IFT43: variants seen among roughly 807,000 people sequenced by gnomAD.
The protein encoded by IFT43 is intraflagellar transport 43.
In IFT43, 33 loss-of-function variants were observed where a neutral mutation model predicts 32.3. That is an observed-to-expected ratio of 1.02 (90% CI 0.77 to 1.37). The LOEUF is 1.37. Ranked by LOEUF, IFT43 falls within the 40% of genes most tolerant of loss-of-function variation. IFT43 has a pLI of 0.00. For missense variants in IFT43, 274 were observed against 265.9 expected (o/e 1.03, Z -0.21); for synonymous variants, 93 against 98.2 (o/e 0.95, Z 0.31).
intron 1 of IFT43, among the ~76,000 whole-genome samples, chr14:75,988,273 G>T (rs537944387): frequency 6.6e-6 from 1 of 152,154 alleles, no homozygotes; most frequent in Non-Finnish European, 1.5e-5. Context: ...CAGCTACTCA[G>T]GAGGGCAAGG....
At chr14:75,991,239 G>A (rs1377015937) in intron 2 of IFT43, among the ~76,000 whole-genome samples, 5 of 152,050 alleles carry the variant, frequency 3.3e-5, no homozygotes, top group Non-Finnish European at 7.4e-5. Context: ...GCTGAGGCAG[G>A]AAAATTGCTT....
intron 1 of IFT43, 112 bp from the exon 2 acceptor site, chr14:75,988,773 C>T (rs1455513472): frequency 1.3e-6 from 2 of 1,527,982 alleles, no homozygotes; most frequent in African/African-American, 2.7e-5. Flanking sequence ...CTGCCTCGTC[C>T]TCCCAAAGTG....
intron 3 of IFT43, among the ~76,000 whole-genome samples, chr14:76,028,182 A>G (rs1009290637): frequency 1.3e-5 from 2 of 152,184 alleles, no homozygotes; most frequent in Admixed American, 6.5e-5. Flanking sequence ...GGTGACCACT[A>G]GATCTCTCCA....
intron 3 of IFT43, among the ~76,000 whole-genome samples, chr14:76,025,822 G>A (rs983205109): frequency 1.3e-5 from 2 of 152,110 alleles, no homozygotes; most frequent in African/African-American, 4.8e-5. Context: ...AGACTTAAAT[G>A]TAAAACCCAA....
At chr14:76,066,687 A>G (rs1308511982) in intron 5 of IFT43, among the ~76,000 whole-genome samples, 5 of 152,198 alleles carry the variant, frequency 3.3e-5, no homozygotes, top group Non-Finnish European at 5.9e-5. Context: ...CTATAAGGAA[A>G]CCTAGTGGTT....
At chr14:76,031,013 CAT>C (rs937576166) in intron 3 of IFT43, among the ~76,000 whole-genome samples, 10 of 147,990 alleles carry the variant, frequency 6.8e-5, no homozygotes, top group Admixed American at 2.7e-4. Context: ...GAAAAGTAAA[CAT>C]ATGTGTATAT....
intron 2 of IFT43, among the ~76,000 whole-genome samples, chr14:76,005,181 T>C (rs917758624): frequency 6.6e-6 from 1 of 152,272 alleles, no homozygotes; most frequent in African/African-American, 2.4e-5. Flanking sequence ...AAAATTACAG[T>C]AACTCTGGAA....
chr14:76,043,173 C>A (rs1413341707), intron 3 of IFT43, among the ~76,000 whole-genome samples: 1 of 152,220 alleles, frequency 6.6e-6, no homozygotes, highest in Non-Finnish European at 1.5e-5. Context: ...AACATACTTT[C>A]TAGATGGCTT....
intron 5 of IFT43, chr14:76,076,553 C>T (rs1167032792): frequency 1.9e-6 from 3 of 1,612,312 alleles, no homozygotes; most frequent in Admixed American, 3.3e-5. Context: ...GGGGTATACT[C>T]ATTGCAAGCT....
chr14:76,063,733 C>T (rs1566731828), intron 5 of IFT43, among the ~76,000 whole-genome samples: 1 of 152,084 alleles, frequency 6.6e-6, no homozygotes, highest in Admixed American at 6.5e-5. Context: ...TTTTGGAACA[C>T]CTTTGCTTGT....
intron 2 of IFT43, among the ~76,000 whole-genome samples, chr14:76,005,612 C>G (rs892443444): frequency 1.3e-5 from 2 of 152,222 alleles, no homozygotes; most frequent in African/African-American, 4.8e-5. Flanking sequence ...CCCTTCTTCT[C>G]AGGATTTTCC....
At chr14:76,077,977 C>T (rs527974795) in intron 5 of IFT43, among the ~76,000 whole-genome samples, 9 of 152,306 alleles carry the variant, frequency 5.9e-5, no homozygotes, top group Non-Finnish European at 1.5e-5. Flanking sequence ...ATTAAATCCT[C>T]TCTGGACTAG....
intron 5 of IFT43, among the ~76,000 whole-genome samples, chr14:76,067,624 T>C (rs2140071680): frequency 6.6e-6 from 1 of 152,110 alleles, no homozygotes; most frequent in Middle Eastern, 3.4e-3. Flanking sequence ...TAAGTGTGTT[T>C]TCAGAATGAG....
Position 76,026,164 on chromosome 14 carries a change from A to G in IFT43, c.215+3770A>G, listed in dbSNP as rs375535321. 1.2e-3 allele frequency among the ~76,000 whole-genome samples: 188 copies of G among 152,356 alleles called. 5 individuals carry two copies. In the South Asian group the frequency reaches 0.037, roughly 30 times the overall value. On this transcript the variant is annotated intron_variant, in intron 3 of 8. Transcript: ENST00000314067. ...AACACTTTGTAAAAGAAAGACATAC[A>G]TGCAGCCAACAAGCTCAACATCACT...
At chr14:76,009,045 T>A (rs2036030437) in intron 2 of IFT43, among the ~76,000 whole-genome samples, 1 of 152,198 alleles carries the variant, frequency 6.6e-6, no homozygotes, top group African/African-American at 2.4e-5. Flanking sequence ...AGTTTGCCCT[T>A]GCCGGGTCTT....
intron 2 of IFT43, among the ~76,000 whole-genome samples, chr14:76,016,749 G>A (rs949360781): frequency 5.9e-5 from 9 of 152,148 alleles, no homozygotes; most frequent in South Asian, 2.1e-4. Flanking sequence ...TGTAATTTTC[G>A]TTGTAGAAGT....
intron 2 of IFT43, among the ~76,000 whole-genome samples, chr14:75,990,614 T>C (rs1375313536): frequency 1.3e-5 from 2 of 152,118 alleles, no homozygotes; most frequent in South Asian, 2.1e-4. Context: ...AGAAGTGTTA[T>C]GGGGCCTGGG....
At chr14:75,986,256 C>T in intron 1 of IFT43, 4 of 1,289,046 alleles carry the variant, frequency 3.1e-6, no homozygotes, top group Non-Finnish European at 4.0e-6. Flanking sequence ...CCTGCAAAAG[C>T]CGCACTGTTT....
intron 5 of IFT43, among the ~76,000 whole-genome samples, chr14:76,081,792 CTGA>C (rs2037514180): frequency 6.6e-6 from 1 of 152,140 alleles, no homozygotes; most frequent in South Asian, 2.1e-4. Flanking sequence ...GCTGAGGGCC[CTGA>C]TGATTGCACT....
Sources: allele counts gnomAD v4.1 joint callset (sites outside exome capture counted in the v4.1 genomes callset), GRCh38; gene constraint gnomAD v4.1.1; transcripts MANE v1.5; gene names NCBI Gene and HGNC (gene_info 2026-07-23, HGNC 2026-07-21).